Variants in PRDM15 observed in about 807,000 individuals in gnomAD.
The protein encoded by PRDM15 is PR domain zinc finger protein 15.
A neutral mutation model predicts 128.6 loss-of-function variants in PRDM15; 64 were observed. That is an observed-to-expected ratio of 0.50 (90% CI 0.41 to 0.61). The LOEUF (loss-of-function observed/expected upper bound fraction) is 0.61. Among genes scored for constraint, PRDM15 ranks in the 20% least tolerant of loss-of-function variants. The pLI, the probability that PRDM15 is intolerant of heterozygous loss-of-function variation, is 0.00. For synonymous variants in PRDM15, 615 were observed against 621.8 expected, an observed-to-expected ratio of 0.99 and a Z score of 0.16; for missense variants, 1,242 against 1,569.1, an observed-to-expected ratio of 0.79 and a Z score of 3.52.
chr21:41,830,695 C>CATCCACACACCACAG, intron 11 of PRDM15, among the ~76,000 whole-genome samples: 1 of 86,028 alleles, frequency 1.2e-5, no homozygotes, highest in Non-Finnish European at 2.6e-5. Context: ...ACATACCACA[C>CATCCACACACCACAG]AAATACATCC....
In PRDM15 at chr21:41,832,782, C is replaced by T. The variant is rs554737681; in HGVS notation, c.1366+2655G>A. Among the ~76,000 whole-genome samples, 1 of 152,324 alleles carries T rather than the reference C, an allele frequency of 6.6e-6. No individual in the cohort carries two copies. Among genetic ancestry groups the T allele is most frequent in the South Asian group, 2.1e-4 (1 of 4,826 alleles). ...GGTGGCTCCACTAGTCCTGCCGCCC[C>T]GTGGAAGGCAATGGTGCTGCCAAGA... is the stretch of plus-strand genomic sequence containing the variant. On this transcript the variant is annotated intron_variant, in intron 11 of 23. Coordinates refer to ENST00000398548, the MANE Select transcript of PRDM15 (RefSeq NM_001040424.3). This position sits in a 1 kb window ranked among gnomAD's most constrained non-coding sequence, Gnocchi z 4.2.
chr21:41,860,510 C>T (rs1173172229), intron 1 of PRDM15, 138 bp from the exon 2 acceptor site: 3 of 637,756 alleles, frequency 4.7e-6, no homozygotes, highest in Middle Eastern at 3.5e-4. Flanking sequence ...GCAACCTCTG[C>T]CTCCCAGGTT....
rs958740066 is a variant in PRDM15 at position 41,857,398 on chromosome 21, C to G, written c.132-69G>C. 5 of 1,549,988 alleles carry G rather than the reference C, an allele frequency of 3.2e-6. No individual in the cohort carries two copies. In the African/African-American group the frequency reaches 5.5e-5, roughly 17 times the overall value. ...CCAGGGACCGACTCGTTAAGATAAC[C>G]TAAAAGCTCGCCCTCACTGACCGCC... On this transcript the variant is annotated intron_variant, in intron 3 of 23. Transcript: ENST00000398548.
rs748263943 is a variant in PRDM15 at position 41,821,998 on chromosome 21, T to C, written c.1801A>G (p.Ile601Val). Residue 601 changes from isoleucine (I) to valine (V), a missense_variant, in exon 15 of 24, where the codon ATC (isoleucine) becomes GTC (valine). Ile to Val is a conservative substitution (Grantham distance 29). Coordinates refer to ENST00000398548, the MANE Select transcript of PRDM15 (RefSeq NM_001040424.3). The surrounding 1 kb of genome is among the most constrained non-coding windows in gnomAD (Gnocchi z 5.4). ...LMDDHQREEFIGKIGISSEEN... is the reference protein window; with the variant it reads ...LMDDHQREEFVGKIGISSEEN... ...TCCGAGGAGATCCCGATCTTGCCGA[T>C]AAACTCTTCCCTCTGGTGGTCATCC... 7.9e-5 allele frequency: 127 copies of C among 1,614,082 alleles called. No homozygotes were observed. The highest frequency in any genetic ancestry group is 1.1e-4 in the Non-Finnish European group (125 of 1,180,060).
At chr21:41,860,464 G>A in intron 1 of PRDM15, 92 bp from the exon 2 acceptor site, 2 of 1,079,534 alleles carry the variant, frequency 1.9e-6, no homozygotes, top group South Asian at 2.6e-5. Flanking sequence ...TGTTGCCCAG[G>A]ATAGATAGAG....
At position 41,864,791 on chromosome 21, in the gene PRDM15, A is replaced by G. The variant is rs73219094; in HGVS notation, c.-9-4419T>C. On this transcript the variant is annotated intron_variant, in intron 1 of 23. Transcript: ENST00000398548. ...CCAATCACATCGCTTGCCAGCCTGAAGCTTCACTGGCTTCCCACTGTCCCA... is the reference window on the plus strand; with the variant it reads ...CCAATCACATCGCTTGCCAGCCTGAGGCTTCACTGGCTTCCCACTGTCCCA... 3.6e-3 allele frequency among the ~76,000 whole-genome samples: 546 copies of G among 152,212 alleles called. 4 individuals carry two copies. The highest frequency in any genetic ancestry group is 0.01 in the Middle Eastern group (3 of 294).
At chr21:41,823,006 G>A (rs1288523046) in intron 14 of PRDM15, among the ~76,000 whole-genome samples, 1 of 151,058 alleles carries the variant, frequency 6.6e-6, no homozygotes, top group Non-Finnish European at 1.5e-5. Flanking sequence ...CTCCAGCCTG[G>A]GCGACAGAAC....
intron 1 of PRDM15, chr21:41,861,558 C>T (rs759506526): frequency 1.3e-5 from 20 of 1,576,262 alleles, no homozygotes; most frequent in East Asian, 2.4e-5. Context: ...CCCAACTGTG[C>T]GCACCGGCAT....
rs1315310289 is a variant in PRDM15 at position 41,819,446 on chromosome 21, G to T, written c.2260+136C>A. ...GCCTGTACCCACCTTTCCCACACTC[G>T]GCCCGTGGCCCCGGCCCCCGCCCCC... On this transcript the variant is annotated intron_variant, in intron 18 of 23. Coordinates refer to ENST00000398548, the MANE Select transcript of PRDM15 (RefSeq NM_001040424.3). The T allele has an allele frequency of 4.7e-6, 5 of 1,062,108 alleles. No individual in the cohort carries two copies. The East Asian group carries it at 1.4e-4, about 30-fold the overall frequency. 65.8% of individuals were successfully genotyped at this position (1,062,108 alleles called of 1,614,324 possible).
At chr21:41,827,117 G>C (rs1249616657) in intron 12 of PRDM15, among the ~76,000 whole-genome samples, 1 of 152,212 alleles carries the variant, frequency 6.6e-6, no homozygotes, top group Admixed American at 6.5e-5. Flanking sequence ...ACAGTAGCTT[G>C]CTAAGGCTAC....
At position 41,810,496 on chromosome 21, in the gene PRDM15, A is replaced by G; in HGVS notation, c.2477-167T>C. On this transcript the variant is annotated intron_variant, in intron 20 of 23. Coordinates refer to ENST00000398548, the MANE Select transcript of PRDM15 (RefSeq NM_001040424.3). The surrounding 1 kb of genome is among the most constrained non-coding windows in gnomAD (Gnocchi z 6.4). ...GGTCCCCGAGCACACATGAGCACAG[A>G]GCCTCTGTCCCTTGGGGAGCACTGC... The G allele has an allele frequency of 2.7e-6, 2 of 736,518 alleles. No homozygotes were observed. Among genetic ancestry groups the G allele is most frequent in the South Asian group, 3.6e-5 (2 of 56,194 alleles). 45.6% of individuals were successfully genotyped at this position (736,518 alleles called of 1,614,324 possible). A position where few individuals can be genotyped will look rare whatever the true frequency, so the allele number is the denominator to read the frequency against.
intron 1 of PRDM15, chr21:41,867,469 G>C (rs1470549498): frequency 5.9e-6 from 6 of 1,010,940 alleles, no homozygotes; most frequent in Admixed American, 1.9e-5. Context: ...GTCTCACTAT[G>C]TTGCCCAGGC....
chr21:41,821,610 C>T lies in PRDM15; in HGVS notation c.1896+293G>A, dbSNP rs984700242. Reference sequence around the variant, plus strand: ...CCAGCACAGCCACCTTCTAGGAGGCCGACCCCCACACTTCATGTGTGTTCC... The same window carrying T: ...CCAGCACAGCCACCTTCTAGGAGGCTGACCCCCACACTTCATGTGTGTTCC... On this transcript the variant is annotated intron_variant, in intron 15 of 23. Coordinates refer to ENST00000398548, the MANE Select transcript of PRDM15 (RefSeq NM_001040424.3). This position sits in a 1 kb window ranked among gnomAD's most constrained non-coding sequence, Gnocchi z 5.4. Among the ~76,000 whole-genome samples, 1 of 152,132 alleles carries T rather than the reference C, an allele frequency of 6.6e-6. No homozygotes were observed. Among genetic ancestry groups the T allele is most frequent in the Admixed American group, 6.5e-5 (1 of 15,286 alleles).
In PRDM15 at chr21:41,859,508, C is replaced by T. The variant is rs2145904354; in HGVS notation, c.131+84G>A. On this transcript the variant is annotated intron_variant, in intron 3 of 23. Coordinates refer to ENST00000398548, the MANE Select transcript of PRDM15 (RefSeq NM_001040424.3). This position sits in a 1 kb window ranked among gnomAD's most constrained non-coding sequence, Gnocchi z 5.3. ...CCTCTGTTCTCCCTCAGGCTCCTTCCTCCCCGTCTGCAGACCCAAAGGCCA... is the reference window on the plus strand; with the variant it reads ...CCTCTGTTCTCCCTCAGGCTCCTTCTTCCCCGTCTGCAGACCCAAAGGCCA... 9.1e-7 allele frequency: 1 copy of T among 1,103,020 alleles called. No individual in the cohort carries two copies. The highest frequency in any genetic ancestry group is 1.3e-6 in the Non-Finnish European group (1 of 750,464). The allele number at this position is 1,103,020 out of a possible 1,614,324, so 68.3% of individuals were successfully genotyped here.
chr21:41,873,939 G>C (rs1395347452), intron 1 of PRDM15, among the ~76,000 whole-genome samples: 2 of 152,014 alleles, frequency 1.3e-5, no homozygotes, highest in Non-Finnish European at 2.9e-5. Flanking sequence ...ATAGCTACTC[G>C]GGAGGCTGAG....
chr21:41,804,545 C>T lies in PRDM15; in HGVS notation c.2722G>A (p.Gly908Ser). ...CCCATGCTGCTCACCTGGACGATGC[C>T]AATGGAGGAGGCGTCGATGGTGGTG... ...ETTTIDASSI[G>S]IVQPELTLEQ... Residue 908 changes from glycine to serine, a missense_variant, in exon 22 of 24, where the codon GGC (glycine) becomes AGC (serine). By Grantham distance (56) the Gly-to-Ser change is moderately conservative. Transcript: ENST00000398548. 1.9e-6 allele frequency: 3 copies of T among 1,567,804 alleles called. No homozygotes were observed. Among genetic ancestry groups the T allele is most frequent in the Non-Finnish European group, 2.6e-6 (3 of 1,155,816 alleles).
chr21:41,830,061 A>G (rs1468041564), intron 11 of PRDM15, among the ~76,000 whole-genome samples: 2 of 150,732 alleles, frequency 1.3e-5, no homozygotes, highest in Non-Finnish European at 3.0e-5. Context: ...ACACCCACAC[A>G]TTCAACACAC....
intron 1 of PRDM15, chr21:41,863,130 CT>C (rs1183588655): frequency 6.6e-6 from 1 of 151,626 alleles, no homozygotes; most frequent in Admixed American, 6.6e-5. Flanking sequence ...GATCACGCCC[CT>C]GCACTCCAGC....
chr21:41,835,673 G>A, intron 10 of PRDM15, 149 bp from the exon 11 acceptor site: 1 of 646,912 alleles, frequency 1.5e-6, no homozygotes, highest in Non-Finnish European at 2.8e-6. Context: ...GAACACAAAG[G>A]ATGTTTGCTC....
Sources: allele counts gnomAD v4.1 joint callset (sites outside exome capture counted in the v4.1 genomes callset), GRCh38; gene constraint gnomAD v4.1.1; non-coding constraint Gnocchi (gnomAD v3.1); transcripts MANE v1.5; gene names NCBI Gene and HGNC (gene_info 2026-07-23, HGNC 2026-07-21).